The following CACNA2D3 variants were observed in gnomAD, a reference collection of about 807,000 sequenced individuals.
CACNA2D3 encodes voltage-dependent calcium channel subunit alpha-2/delta-3.
CACNA2D3 carries 60 observed loss-of-function variants against 160.6 expected under a neutral mutation model. The ratio of observed to expected loss-of-function variants is 0.37; its 90% CI spans 0.30 to 0.46. CACNA2D3 has a LOEUF of 0.46. Among genes scored for constraint, CACNA2D3 ranks in the 20% least tolerant of loss-of-function variants. CACNA2D3 has a pLI of 1.00. For missense variants in CACNA2D3, 1,205 were observed against 1,365.0 expected (o/e 0.88, Z 1.85); for synonymous variants, 558 against 492.9 (o/e 1.13, Z -1.75).
chr3:55,063,239 T>A (rs1704556008), intron 35 of CACNA2D3, among the ~76,000 whole-genome samples: 1 of 152,012 alleles, frequency 6.6e-6, no homozygotes, highest in Non-Finnish European at 1.5e-5. Flanking sequence ...AAAGGCAGAA[T>A]CATAGGCCCT....
chr3:55,073,781 T>C lies in CACNA2D3; in HGVS notation c.3105T>C (p.Asn1035=). ...CATGCCTTAACTACAGTCAACATAA[T>C]GAATCCCTTAAGTGTGAACGTCTAA... is the stretch of plus-strand genomic sequence containing the variant. The part of the protein sequence containing the change: ...ITMAPIEIRY[N]ESLKCERLKA... Residue 1035 remains asparagine (N), a synonymous_variant, in exon 37 of 38, where the codon AAT becomes AAC. Coordinates refer to ENST00000474759, the MANE Select transcript of CACNA2D3 (RefSeq NM_018398.3). 5 of 1,612,680 alleles carry C rather than the reference T, an allele frequency of 3.1e-6. No individual in the cohort carries two copies. Among genetic ancestry groups the C allele is most frequent in the Non-Finnish European group, 4.2e-6 (5 of 1,178,922 alleles).
At chr3:54,952,904 T>A (rs533599304) in intron 27 of CACNA2D3, among the ~76,000 whole-genome samples, 19 of 152,308 alleles carry the variant, frequency 1.2e-4, no homozygotes, top group African/African-American at 4.6e-4. Context: ...AGGTCTGGCT[T>A]ACTTGTCTTC....
chr3:54,499,046 C>G (rs1001297837), intron 4 of CACNA2D3, among the ~76,000 whole-genome samples: 4 of 151,940 alleles, frequency 2.6e-5, no homozygotes, highest in African/African-American at 9.7e-5. Context: ...AGTATATGAT[C>G]TAGAAAAGAA....
At chr3:54,402,710 T>A (rs1008626330) in intron 4 of CACNA2D3, among the ~76,000 whole-genome samples, 2 of 152,148 alleles carry the variant, frequency 1.3e-5, no homozygotes, top group African/African-American at 4.8e-5. Context: ...CTTTCAACAA[T>A]GGACAGATCA....
At chr3:54,462,733 T>C (rs1415320939) in intron 4 of CACNA2D3, among the ~76,000 whole-genome samples, 1 of 152,218 alleles carries the variant, frequency 6.6e-6, no homozygotes, top group East Asian at 1.9e-4. Flanking sequence ...TTATCCAATT[T>C]GCCAGTCTGT....
At chr3:54,154,230 GAAAA>G (rs1700201505) in intron 2 of CACNA2D3, among the ~76,000 whole-genome samples, 1 of 151,978 alleles carries the variant, frequency 6.6e-6, no homozygotes, top group Admixed American at 6.6e-5. Flanking sequence ...TTAAAAAAGA[GAAAA>G]AACATAGCCA....
intron 2 of CACNA2D3, among the ~76,000 whole-genome samples, chr3:54,251,863 A>G (rs115179719): frequency 4.7e-4 from 71 of 152,368 alleles, no homozygotes; most frequent in African/African-American, 1.6e-3. Context: ...GATTTCACTT[A>G]TAAGACAGAA....
intron 23 of CACNA2D3, among the ~76,000 whole-genome samples, chr3:54,886,477 T>A (rs369181061): frequency 4.6e-5 from 7 of 152,270 alleles, no homozygotes; most frequent in African/African-American, 1.7e-4. Flanking sequence ...ACCATCCAGC[T>A]TTATGCAGTC....
At chr3:54,335,956 A>G (rs1704366589) in intron 3 of CACNA2D3, among the ~76,000 whole-genome samples, 1 of 141,664 alleles carries the variant, frequency 7.1e-6, no homozygotes, top group African/African-American at 2.7e-5. Flanking sequence ...GTGAGCTGAG[A>G]TCGCGCCACT....
At chr3:54,482,257 A>G (rs1463594302) in intron 4 of CACNA2D3, among the ~76,000 whole-genome samples, 1 of 152,204 alleles carries the variant, frequency 6.6e-6, no homozygotes, top group African/African-American at 2.4e-5. Context: ...TTGTATTTTT[A>G]TCTGTAAATG....
chr3:54,197,156 C>G (rs949553705), intron 2 of CACNA2D3, among the ~76,000 whole-genome samples: 1 of 152,094 alleles, frequency 6.6e-6, no homozygotes, highest in African/African-American at 2.4e-5. Flanking sequence ...ATGCTCCTGC[C>G]TCATCCTCCT....
chr3:54,229,079 C>T (rs1701723670), intron 2 of CACNA2D3, among the ~76,000 whole-genome samples: 1 of 152,140 alleles, frequency 6.6e-6, no homozygotes, highest in Admixed American at 6.6e-5. Flanking sequence ...GGCTTGATTT[C>T]CTTTCTTTCT....
intron 34 of CACNA2D3, 58 bp from the exon 35 acceptor site, chr3:55,018,148 A>G: frequency 3.6e-6 from 4 of 1,100,300 alleles, no homozygotes; most frequent in Non-Finnish European, 4.1e-6. Context: ...GCTGCCAGTC[A>G]CAATTTTGAG....
chr3:54,183,970 G>A (rs1700833633), intron 2 of CACNA2D3, among the ~76,000 whole-genome samples: 1 of 150,028 alleles, frequency 6.7e-6, no homozygotes, highest in African/African-American at 2.5e-5. Flanking sequence ...TACCTTGACT[G>A]TGGAATCAAA....
At chr3:54,991,464 C>A (rs1702742555) in intron 31 of CACNA2D3, among the ~76,000 whole-genome samples, 2 of 152,066 alleles carry the variant, frequency 1.3e-5, no homozygotes, top group East Asian at 3.9e-4. Context: ...CTCAGGTGAT[C>A]CCCCCAACTT....
At chr3:54,726,161 A>G (rs956354024) in intron 11 of CACNA2D3, among the ~76,000 whole-genome samples, 1 of 152,174 alleles carries the variant, frequency 6.6e-6, no homozygotes, top group Non-Finnish European at 1.5e-5. Flanking sequence ...CCCATTCACA[A>G]TTGCTACTAA....
intron 13 of CACNA2D3, among the ~76,000 whole-genome samples, chr3:54,801,838 C>G (rs1702995178): frequency 6.6e-6 from 1 of 152,048 alleles, no homozygotes; most frequent in African/African-American, 2.4e-5. Context: ...ATACCCCAAA[C>G]TAGAGATTGA....
intron 4 of CACNA2D3, among the ~76,000 whole-genome samples, chr3:54,440,156 C>G (rs1215191366): frequency 2.6e-5 from 4 of 152,192 alleles, no homozygotes; most frequent in Non-Finnish European, 5.9e-5. Context: ...CCAGCCCAGC[C>G]CAGTGGACCT....
At chr3:54,387,537 A>T (rs1317739375) in intron 4 of CACNA2D3, among the ~76,000 whole-genome samples, 1 of 152,184 alleles carries the variant, frequency 6.6e-6, no homozygotes, top group Non-Finnish European at 1.5e-5. Context: ...CTGTAATCCC[A>T]GCTACTTGGG....
Sources: allele counts gnomAD v4.1 joint callset (sites outside exome capture counted in the v4.1 genomes callset), GRCh38; gene constraint gnomAD v4.1.1; transcripts MANE v1.5; gene names NCBI Gene and HGNC (gene_info 2026-07-23, HGNC 2026-07-21).